The following CFHR4 variants were observed in gnomAD, a reference collection of about 807,000 sequenced individuals.
The protein encoded by CFHR4 is complement factor H related 4.
A neutral mutation model predicts 69.3 loss-of-function variants in CFHR4; 64 were observed. That is an observed-to-expected ratio of 0.92 (90% CI 0.76 to 1.14). CFHR4 has a LOEUF of 1.14. Among genes scored for constraint, CFHR4 ranks in the 50% most tolerant of loss-of-function variants. CFHR4 has a pLI of 0.00. For synonymous variants in CFHR4, 244 were observed against 237.0 expected, an observed-to-expected ratio of 1.03 and a Z score of -0.27; for missense variants, 636 against 684.9, an observed-to-expected ratio of 0.93 and a Z score of 0.80.
chr1:196,892,029 T>G (rs1657067502), intron 1 of CFHR4, among the ~76,000 whole-genome samples: 2 of 151,584 alleles, frequency 1.3e-5, no homozygotes. Flanking sequence ...ATTTCTTTTC[T>G]CTATTTTCCA....
chr1:196,901,639 T>C (rs1247979765), intron 1 of CFHR4, among the ~76,000 whole-genome samples: 1 of 151,284 alleles, frequency 6.6e-6, no homozygotes, highest in Non-Finnish European at 1.5e-5. Context: ...CCCATGGAAA[T>C]GGAAACTTTT....
chr1:196,917,225 G>C (rs1658692498), intron 9 of CFHR4, among the ~76,000 whole-genome samples: 2 of 151,770 alleles, frequency 1.3e-5, no homozygotes, highest in African/African-American at 4.8e-5. Context: ...CAGAATACTT[G>C]AGTCAAAAGA....
rs1336263996 is a variant in CFHR4, at chr1:196,902,495, G to A, written c.136G>A (p.Ala46Thr). Residue 46 changes from alanine to threonine, a missense_variant, in exon 2 of 10, where the codon GCA (alanine) becomes ACA (threonine). Physicochemically the swap from Ala to Thr is moderately conservative, Grantham distance 58 (BLOSUM62 0). Around this residue, in one of 3 missense-constraint regions of CFHR4, gnomAD observed 529 missense variants for 533.2 expected, o/e 0.99. Transcript: ENST00000608469. ...GAGTTTGCGTAGACTATACTTTCCA[G>A]CAGCTGCAGGACAATCTTATTCCTA... is the stretch of plus-strand genomic sequence containing the variant. ...YKSLRRLYFP[A>T]AAGQSYSYYC... The A allele has an allele frequency of 3.1e-6, 5 of 1,611,478 alleles. No homozygotes were observed. The African/African-American group carries it at 6.7e-5, about 22-fold the overall frequency.
chr1:196,914,404 T>G, intron 7 of CFHR4, 91 bp from the exon 8 acceptor site: 2 of 1,340,002 alleles, frequency 1.5e-6, no homozygotes, highest in East Asian at 2.5e-5. Flanking sequence ...ACACACTGAT[T>G]GGTAAATTTT....
intron 6 of CFHR4, 37 bp downstream of exon 6, chr1:196,910,515 C>G: frequency 1.3e-6 from 2 of 1,530,388 alleles, no homozygotes; most frequent in South Asian, 2.3e-5. Context: ...GTGCATAAAA[C>G]TTGCAAAGAA....
rs1360038778 is a variant in CFHR4 at position 196,912,907 on chromosome 1, C to T, written c.1165C>T (p.Gln389Ter). Residue 389 changes from glutamine (Q) to a stop codon, truncating the protein, a stop_gained, in exon 7 of 10, where the codon CAA becomes TAA. Coordinates refer to ENST00000608469, the MANE Select transcript of CFHR4 (RefSeq NM_001201550.3). LOFTEE classifies it high-confidence loss of function. ...ATGTTTGCAAAATGGATGGTCAGCA[C>T]AACCAATTTGCATTAGTAAGTGATT... ...ITCLQNGWSA[Q>*]PICIKFCDMP... 6.2e-6 allele frequency: 10 copies of T among 1,611,628 alleles called. No homozygotes were observed. The highest frequency in any genetic ancestry group is 8.5e-6 in the Non-Finnish European group (10 of 1,178,938).
intron 1 of CFHR4, among the ~76,000 whole-genome samples, chr1:196,889,198 A>G (rs1398787870): frequency 6.6e-6 from 1 of 151,506 alleles, no homozygotes; most frequent in Non-Finnish European, 1.5e-5. Flanking sequence ...ATGCCACTTT[A>G]TTTGATTCTA....
At chr1:196,912,204 C>T (rs1658311706) in intron 6 of CFHR4, among the ~76,000 whole-genome samples, 1 of 151,262 alleles carries the variant, frequency 6.6e-6, no homozygotes, top group Non-Finnish European at 1.5e-5. Context: ...TTTCTGCTTA[C>T]ATTTCCACAT....
intron 1 of CFHR4, among the ~76,000 whole-genome samples, chr1:196,888,484 T>C (rs1656847323): frequency 6.6e-6 from 1 of 151,286 alleles, no homozygotes; most frequent in Admixed American, 6.6e-5. Context: ...AATATACTCA[T>C]AAAACTTTAA....
chr1:196,912,810 A>G lies in CFHR4; in HGVS notation c.1068A>G (p.Leu356=). The stretch of plus-strand genomic sequence containing the variant: ...CTGAATCTTCCTCTATTTATATTTT[A>G]AATAAAGAAATACAATATAAATGTA... ...FISESSSIYI[L]NKEIQYKCKP... is the part of the protein sequence containing the mutation. The change falls in exon 7 of 10, where the codon TTA becomes TTG. Residue 356 remains leucine, a synonymous_variant. Coordinates refer to ENST00000608469, the MANE Select transcript of CFHR4 (RefSeq NM_001201550.3). The G allele has an allele frequency of 6.2e-7, 1 of 1,601,770 alleles. No homozygotes were observed. The highest frequency in any genetic ancestry group is 1.1e-5 in the South Asian group (1 of 88,152).
At position 196,888,134 on chromosome 1, in the gene CFHR4, T is replaced by C; in HGVS notation, c.-17T>C. ...AACTGAAACTTTTGCATTACTATAC[T>C]ACTGAGAATATCTAACATGTTGTTA... On this transcript the variant is annotated 5_prime_UTR_variant, in exon 1 of 10. Coordinates refer to ENST00000608469, the MANE Select transcript of CFHR4 (RefSeq NM_001201550.3). 1 of 1,609,340 alleles carries C rather than the reference T, an allele frequency of 6.2e-7. No individual in the cohort carries two copies. Among genetic ancestry groups the C allele is most frequent in the Non-Finnish European group, 8.5e-7 (1 of 1,177,120 alleles).
At chr1:196,916,927 T>A (rs1011271070) in intron 9 of CFHR4, among the ~76,000 whole-genome samples, 8 of 151,636 alleles carry the variant, frequency 5.3e-5, no homozygotes, top group African/African-American at 1.9e-4. Flanking sequence ...AGATTACATA[T>A]ACATATGGCA....
intron 1 of CFHR4, among the ~76,000 whole-genome samples, chr1:196,895,821 T>C (rs1657263556): frequency 6.6e-6 from 1 of 151,648 alleles, no homozygotes; most frequent in African/African-American, 2.4e-5. Flanking sequence ...TTGTATGACA[T>C]AATTTTTTTG....
chr1:196,906,842 C>T lies in CFHR4; in HGVS notation c.440-19C>T, dbSNP rs1475873440. On this transcript the variant is annotated intron_variant, in intron 3 of 9. Coordinates refer to ENST00000608469, the MANE Select transcript of CFHR4 (RefSeq NM_001201550.3). ...TCATATGGCATAGAAAAGCAATCCT[C>T]AATTTTATTTTGTTTCAGAATTTTG... The T allele has an allele frequency of 1.3e-6, 2 of 1,594,644 alleles. No homozygotes were observed. The highest frequency in any genetic ancestry group is 1.8e-5 in the Admixed American group (1 of 56,112).
chr1:196,913,664 T>C (rs762790347), intron 7 of CFHR4, among the ~76,000 whole-genome samples: 6 of 151,454 alleles, frequency 4.0e-5, no homozygotes, highest in Non-Finnish European at 7.4e-5. Context: ...TAAAGATAAA[T>C]TGCCTAATGT....
In CFHR4 at chr1:196,918,226, T is replaced by C; in HGVS notation, c.1557T>C (p.Thr519=). ...PPRCIHPCII[T]EENMNKNNIQ... ...TGCTTTCAGATCCATGTATAATAAC[T>C]GAAGAAAACATGAATAAAAATAACA... is the stretch of plus-strand genomic sequence containing the variant. The change falls in exon 10 of 10, where the codon ACT becomes ACC. Residue 519 remains threonine (T), a synonymous_variant. Transcript: ENST00000608469. 6.2e-7 allele frequency: 1 copy of C among 1,604,156 alleles called. No homozygotes were observed. Among genetic ancestry groups the C allele is most frequent in the Non-Finnish European group, 8.5e-7 (1 of 1,173,552 alleles).
At chr1:196,907,149 C>T in intron 4 of CFHR4, 112 bp downstream of exon 4, 2 of 1,196,818 alleles carry the variant, frequency 1.7e-6, no homozygotes, top group Non-Finnish European at 2.4e-6. Context: ...TACATGTAGT[C>T]CTCATTTGAG....
rs112489050 is a variant in CFHR4 at position 196,917,658 on chromosome 1, GTGTA to G, written c.1541-526_1541-523del. On this transcript the variant is annotated intron_variant, in intron 9 of 9. Transcript: ENST00000608469. ...AGAGAGATAATTGACAGATATTGAGGTGTATGTATGTATGTATGTATGTATGTAT... is the reference window on the plus strand; with the variant it reads ...AGAGAGATAATTGACAGATATTGAGGTGTATGTATGTATGTATGTATGTAT... 1.6e-3 allele frequency among the ~76,000 whole-genome samples: 238 copies of G among 150,576 alleles called. 4 individuals carry two copies. The highest frequency in any genetic ancestry group is 2.2e-3 in the Non-Finnish European group (151 of 67,736).
chr1:196,896,386 T>G (rs1487856348), intron 1 of CFHR4, among the ~76,000 whole-genome samples: 5 of 151,600 alleles, frequency 3.3e-5, no homozygotes, highest in African/African-American at 1.2e-4. Context: ...CTTTGGAATA[T>G]CCTAGTGTAT....
Sources: allele counts gnomAD v4.1 joint callset (sites outside exome capture counted in the v4.1 genomes callset), GRCh38; gene constraint gnomAD v4.1.1; regional missense constraint gnomAD v4.1.1; transcripts MANE v1.5; gene names NCBI Gene and HGNC (gene_info 2026-07-23, HGNC 2026-07-21).